The following LRRC37A2 variants were observed in gnomAD, a reference collection of about 807,000 sequenced individuals.
LRRC37A2 encodes leucine-rich repeat-containing protein 37A2.
LRRC37A2 carries 9 observed loss-of-function variants against 68.8 expected under a neutral mutation model. The ratio of observed to expected loss-of-function variants is 0.13; its 90% confidence interval spans 0.08 to 0.23. LRRC37A2 has a LOEUF of 0.23. Ranked by LOEUF, LRRC37A2 falls within the 10% of genes least tolerant of loss-of-function variation. The pLI is 1.00. For synonymous variants in LRRC37A2, 63 were observed against 367.6 expected (o/e 0.17, Z 9.48); for missense variants, 168 against 950.4 (o/e 0.18, Z 10.82).
chr17:46,707,533 ACT>A, the LRRC37A2 span, among the ~76,000 whole-genome samples: 3 of 151,840 alleles, frequency 2.0e-5, no homozygotes, highest in Admixed American at 2.0e-4. Flanking sequence ...TTAAATAATA[ACT>A]CTTTTTTCCC....
At chr17:46,885,082 G>A in the LRRC37A2 span, 7 of 435,974 alleles carry the variant, frequency 1.6e-5, no homozygotes, top group East Asian at 7.6e-5. Flanking sequence ...TCCACCTCCC[G>A]GATTCAAGCG....
the LRRC37A2 span, among the ~76,000 whole-genome samples, chr17:46,496,620 A>C: frequency 0.019 from 1,568 of 83,362 alleles, 199 homozygotes; most frequent in African/African-American, 0.057. Context: ...AAAAAAAAAA[A>C]CAAAACAAAA....
chr17:46,751,555 A>C, the LRRC37A2 span: 1 of 1,614,106 alleles, frequency 6.2e-7, no homozygotes, highest in Non-Finnish European at 8.5e-7. Flanking sequence ...CAGCAAGTCA[A>C]AGGGAAGAAG....
At chr17:46,864,375 TC>T in the LRRC37A2 span, among the ~76,000 whole-genome samples, 1 of 152,144 alleles carries the variant, frequency 6.6e-6, no homozygotes, top group South Asian at 2.1e-4. Flanking sequence ...CCAGGCCCTC[TC>T]CTTTGAACTT....
chr17:46,530,299 C>CAA (rs1213690170), intron 6 of LRRC37A2, among the ~76,000 whole-genome samples: 4 of 107,904 alleles, frequency 3.7e-5, no homozygotes, highest in Non-Finnish European at 8.8e-5. Flanking sequence ...GTTTTCATGC[C>CAA]AAAAAAAATC....
At chr17:46,751,189 T>G in the LRRC37A2 span, among the ~76,000 whole-genome samples, 1 of 152,340 alleles carries the variant, frequency 6.6e-6, no homozygotes, top group East Asian at 1.9e-4. Context: ...ACATACAGAT[T>G]GTTCCTAGAA....
the LRRC37A2 span, among the ~76,000 whole-genome samples, chr17:46,707,355 T>C: frequency 6.6e-6 from 1 of 152,206 alleles, no homozygotes; most frequent in Non-Finnish European, 1.5e-5. Flanking sequence ...TATATACTCT[T>C]TTTTTCTCAA....
the LRRC37A2 span, chr17:47,033,144 G>C: frequency 1.7e-6 from 1 of 587,372 alleles, no homozygotes; most frequent in South Asian, 2.1e-5. Context: ...TTGACTCCAG[G>C]AGGTGGAGTT....
the LRRC37A2 span, among the ~76,000 whole-genome samples, chr17:46,990,423 A>T: frequency 2.0e-5 from 3 of 152,214 alleles, no homozygotes; most frequent in African/African-American, 7.2e-5. Context: ...GAATAAAGTG[A>T]TCACACTATT....
chr17:46,868,595 A>AAAAACAAAACAAAAC, the LRRC37A2 span, among the ~76,000 whole-genome samples: 28 of 152,116 alleles, frequency 1.8e-4, no homozygotes, highest in African/African-American at 6.3e-4. Context: ...GACTCGATTA[A>AAAAACAAAACAAAAC]AAAACAAAAC....
chr17:47,034,313 G>C, the LRRC37A2 span, among the ~76,000 whole-genome samples: 2 of 152,202 alleles, frequency 1.3e-5, no homozygotes, highest in Non-Finnish European at 2.9e-5. Context: ...CCATGGCCCA[G>C]GCACAACCTT....
At chr17:46,829,653 G>T in the LRRC37A2 span, among the ~76,000 whole-genome samples, 1 of 152,122 alleles carries the variant, frequency 6.6e-6, no homozygotes, top group Non-Finnish European at 1.5e-5. Context: ...CTGCTGGGAG[G>T]GGCTGGTGGA....
chr17:46,939,928 A>G, the LRRC37A2 span: 137 of 1,001,042 alleles, frequency 1.4e-4, no homozygotes, highest in Admixed American at 2.6e-4. Flanking sequence ...CTCATTTACC[A>G]CAGGCCTACC....
At chr17:46,978,621 G>C in the LRRC37A2 span, 1 of 1,564,114 alleles carries the variant, frequency 6.4e-7, no homozygotes, top group African/African-American at 1.4e-5. Flanking sequence ...CAGCAGCGCT[G>C]GCGAGGGCGG....
the LRRC37A2 span, chr17:46,931,463 G>A: frequency 3.7e-6 from 2 of 533,478 alleles, no homozygotes; most frequent in Non-Finnish European, 3.3e-6. Context: ...TTTGCCTCCA[G>A]TTCTGTTTTT....
chr17:46,728,955 A>G, the LRRC37A2 span: 8 of 1,412,854 alleles, frequency 5.7e-6, no homozygotes, highest in Middle Eastern at 1.8e-4. Flanking sequence ...ACTACTAATA[A>G]GGAATATTTT....
chr17:46,976,224 C>T, the LRRC37A2 span, among the ~76,000 whole-genome samples: 62,959 of 149,922 alleles, frequency 0.42, 13,905 homozygotes, highest in East Asian at 0.54. Flanking sequence ...CCACGCCTGG[C>T]GATAAAAGTT....
the LRRC37A2 span, among the ~76,000 whole-genome samples, chr17:46,774,697 A>G: frequency 1.3e-5 from 2 of 151,984 alleles, no homozygotes; most frequent in Non-Finnish European, 2.9e-5. Flanking sequence ...TATCCCATCA[A>G]CTCTCTCAGG....
the LRRC37A2 span, chr17:46,773,649 C>G: frequency 1.3e-6 from 2 of 1,542,260 alleles, no homozygotes; most frequent in African/African-American, 1.4e-5. Context: ...CTCCCCCCCC[C>G]TCAGCCCCAA....
Sources: allele counts gnomAD v4.1 joint callset (sites outside exome capture counted in the v4.1 genomes callset), GRCh38; gene constraint gnomAD v4.1.1; transcripts MANE v1.5; gene names NCBI Gene and HGNC (gene_info 2026-07-23, HGNC 2026-07-21).